Variants in EXOC2 observed in about 807,000 individuals in gnomAD.
EXOC2 encodes SEC5-like 1.
A neutral mutation model predicts 131.8 loss-of-function variants in EXOC2; 70 were observed. The ratio of observed to expected loss-of-function variants is 0.53; its 90% confidence interval spans 0.44 to 0.65. EXOC2 has a LOEUF of 0.65. EXOC2 is among the 30% of genes least tolerant of loss of function. The pLI is 0.00. For missense variants in EXOC2, 923 were observed against 1,108.6 expected (o/e 0.83, Z 2.38); for synonymous variants, 411 against 398.4 (o/e 1.03, Z -0.38).
intron 1 of EXOC2, among the ~76,000 whole-genome samples, chr6:651,663 A>G (rs1762836451): frequency 6.6e-6 from 1 of 150,864 alleles, no homozygotes; most frequent in Non-Finnish European, 1.5e-5. Context: ...AGAAAAATAA[A>G]TAAATAAATA....
rs1168818662 is a variant in EXOC2 at position 636,025 on chromosome 6, T to C, written c.118+1676A>G. Among the ~76,000 whole-genome samples, 3 of 152,392 alleles carry C rather than the reference T, an allele frequency of 2.0e-5. No homozygotes were observed. The East Asian group carries it at 5.8e-4, about 29-fold the overall frequency. ...TTGCAGTCAGCCAAGATCACGCCAC[T>C]GCACTCTAGCCTGGCAACAGAGCGA... On this transcript the variant is annotated intron_variant, in intron 2 of 27. Coordinates refer to ENST00000230449, the MANE Select transcript of EXOC2 (RefSeq NM_018303.6).
chr6:522,269 G>A lies in EXOC2; in HGVS notation c.2380+10200C>T, dbSNP rs998299349. Among the ~76,000 whole-genome samples the A allele has an allele frequency of 5.9e-5, 9 of 152,142 alleles. No homozygotes were observed. In the East Asian group the frequency reaches 1.4e-3, roughly 23 times the overall value. On this transcript the variant is annotated intron_variant, in intron 23 of 27. Coordinates refer to ENST00000230449, the MANE Select transcript of EXOC2 (RefSeq NM_018303.6). ...GTCTCCAGGCCTCAGGCAGGTCCAC[G>A]CGGACTGCAGGACAGCGTGTGGGGG...
At chr6:491,041 G>T in intron 26 of EXOC2, 84 bp downstream of exon 26, 1 of 1,397,616 alleles carries the variant, frequency 7.2e-7, no homozygotes, top group Non-Finnish European at 1.0e-6. Context: ...GCTCTGATCA[G>T]TCATCTTTAC....
At chr6:533,389 C>G (rs2127542024) in intron 22 of EXOC2, among the ~76,000 whole-genome samples, 1 of 152,242 alleles carries the variant, frequency 6.6e-6, no homozygotes, top group South Asian at 2.1e-4. Flanking sequence ...AGAAAATAAG[C>G]CTGCTCTGAC....
chr6:559,790 A>C (rs958174686), intron 17 of EXOC2, among the ~76,000 whole-genome samples: 13 of 152,224 alleles, frequency 8.5e-5, no homozygotes, highest in African/African-American at 3.1e-4. Context: ...TACCCGAGGC[A>C]CTGACCTGAA....
At chr6:623,728 C>T (rs1441989047) in intron 4 of EXOC2, among the ~76,000 whole-genome samples, 6 of 152,158 alleles carry the variant, frequency 3.9e-5, no homozygotes, top group Admixed American at 6.5e-5. Context: ...GTCATATTCC[C>T]CCTGCTCTTG....
intron 1 of EXOC2, among the ~76,000 whole-genome samples, chr6:648,257 T>A (rs1762670716): frequency 6.6e-6 from 1 of 152,218 alleles, no homozygotes; most frequent in African/African-American, 2.4e-5. Context: ...TAGTATGTTC[T>A]TATGTTTGTT....
rs1236205814 is a variant in EXOC2 at position 491,205 on chromosome 6, CAA to C, written c.2560-21_2560-20del. 2.5e-6 allele frequency: 4 copies of C among 1,613,600 alleles called. No individual in the cohort carries two copies. Among genetic ancestry groups the C allele is most frequent in the Non-Finnish European group, 3.4e-6 (4 of 1,179,596 alleles). On this transcript the variant is annotated intron_variant, in intron 25 of 27. Coordinates refer to ENST00000230449, the MANE Select transcript of EXOC2 (RefSeq NM_018303.6). ...GTCTCGCCTGAAAATGAGAAAAAGA[CAA>C]AGTGACAACAGGAAAATTTATATTA... is the stretch of plus-strand genomic sequence containing the variant.
At chr6:661,423 C>T (rs1414081835) in intron 1 of EXOC2, among the ~76,000 whole-genome samples, 1 of 152,168 alleles carries the variant, frequency 6.6e-6, no homozygotes, top group African/African-American at 2.4e-5. Context: ...TAAAGGAAAA[C>T]CTATCAGATT....
chr6:586,087 G>A (rs1455316151), intron 11 of EXOC2, among the ~76,000 whole-genome samples: 2 of 152,226 alleles, frequency 1.3e-5, no homozygotes, highest in African/African-American at 4.8e-5. Context: ...TCATTTGTAA[G>A]CAATTTCTTA....
chr6:636,376 C>T (rs961273854), intron 2 of EXOC2, among the ~76,000 whole-genome samples: 3 of 152,182 alleles, frequency 2.0e-5, no homozygotes, highest in African/African-American at 7.2e-5. Flanking sequence ...TCAAAAACTA[C>T]CCAGGTTTTC....
chr6:589,947 T>C (rs1759442969), intron 11 of EXOC2, among the ~76,000 whole-genome samples: 1 of 152,190 alleles, frequency 6.6e-6, no homozygotes, highest in Non-Finnish European at 1.5e-5. Context: ...ACCCCGTCTC[T>C]ACTAAAAATA....
intron 23 of EXOC2, among the ~76,000 whole-genome samples, chr6:503,272 T>C (rs1360298353): frequency 6.6e-6 from 1 of 152,084 alleles, no homozygotes; most frequent in African/African-American, 2.4e-5. Context: ...TCCTACTACA[T>C]GGAGGATGCC....
intron 22 of EXOC2, among the ~76,000 whole-genome samples, chr6:543,958 G>A (rs1756695139): frequency 6.6e-6 from 1 of 152,224 alleles, no homozygotes; most frequent in Admixed American, 6.5e-5. Flanking sequence ...TCAGTGATGG[G>A]TGAAGCTGTG....
rs1043400238 is a variant in EXOC2 at position 563,969 on chromosome 6, G to A, written c.1789+64C>T. On this transcript the variant is annotated intron_variant, in intron 16 of 27. Transcript: ENST00000230449. The stretch of plus-strand genomic sequence containing the variant: ...CCTTGTTTTCAAGGATTTGGACACT[G>A]AAAGGAGGTGGCACATTCAGATAAT... 2.3e-5 allele frequency: 37 copies of A among 1,580,964 alleles called. No individual in the cohort carries two copies. The Admixed American group carries it at 6.5e-4, about 28-fold the overall frequency.
intron 1 of EXOC2, among the ~76,000 whole-genome samples, chr6:673,252 C>CAAAA (rs56189394): frequency 9.3e-5 from 6 of 64,266 alleles, no homozygotes; most frequent in African/African-American, 1.4e-4. Flanking sequence ...ACTCCATAGC[C>CAAAA]AAAAAAAAAA....
rs144681232 is a variant in EXOC2 at position 490,447 on chromosome 6, G to C, written c.2621+678C>G. Among the ~76,000 whole-genome samples the C allele has an allele frequency of 6.3e-3, 956 of 152,300 alleles. 12 individuals carry two copies. The highest frequency in any genetic ancestry group is 0.048 in the East Asian group (249 of 5,182). On this transcript the variant is annotated intron_variant, in intron 26 of 27. Coordinates refer to ENST00000230449, the MANE Select transcript of EXOC2 (RefSeq NM_018303.6). Reference sequence around the variant, plus strand: ...TGAGCTGTGACCGACGGGAATGAAAGGCTAACTTCATTGGTTAGGAAAAAA... The same window carrying C: ...TGAGCTGTGACCGACGGGAATGAAACGCTAACTTCATTGGTTAGGAAAAAA...
rs1052738464 is a variant in EXOC2 at position 616,520 on chromosome 6, G to C, written c.661+1191C>G. Among the ~76,000 whole-genome samples, 4 of 146,046 alleles carry C rather than the reference G, an allele frequency of 2.7e-5. No homozygotes were observed. The East Asian group carries it at 6.5e-4, about 24-fold the overall frequency. On this transcript the variant is annotated intron_variant, in intron 6 of 27. Transcript: ENST00000230449. ...CGGGAGGCTGAGGCAGGAGAATGGC[G>C]TGAACCCGGGAGGCGGAGCTTGCAG...
At chr6:658,665 A>ATATATATTT (rs1374453663) in intron 1 of EXOC2, among the ~76,000 whole-genome samples, 4 of 115,546 alleles carry the variant, frequency 3.5e-5, no homozygotes, top group African/African-American at 1.3e-4. Context: ...ATATATATAT[A>ATATATATTT]TTTTTTTTTT....
Sources: gnomAD v4.1 joint callset for allele counts (sites outside exome capture counted in the v4.1 genomes callset) on GRCh38, gnomAD v4.1.1 for gene constraint, MANE v1.5 for transcripts, NCBI Gene and HGNC (gene_info 2026-07-23, HGNC 2026-07-21) for gene names.